NTRK3: variants seen among roughly 807,000 people sequenced by gnomAD.
NTRK3 encodes the protein neurotrophic receptor tyrosine kinase 3, also known as NT-3 growth factor receptor.
In NTRK3, 24 loss-of-function variants were observed where a neutral mutation model predicts 91.7. The ratio of observed to expected loss-of-function variants is 0.26; its 90% confidence interval spans 0.19 to 0.37. The LOEUF (loss-of-function observed/expected upper bound fraction) is 0.37, where lower values mean the gene tolerates loss of function less well. Among genes scored for constraint, NTRK3 ranks in the 10% least tolerant of loss-of-function variants. NTRK3 has a pLI of 1.00. For missense variants in NTRK3, 880 were observed against 1,068.9 expected, an observed-to-expected ratio of 0.82 and a Z score of 2.46; for synonymous variants, 483 against 404.0, an observed-to-expected ratio of 1.20 and a Z score of -2.34.
At chr15:88,182,320 CT>C (rs1451594331) in intron 5 of NTRK3, among the ~76,000 whole-genome samples, 1 of 152,134 alleles carries the variant, frequency 6.6e-6, no homozygotes, top group Non-Finnish European at 1.5e-5. Flanking sequence ...GAAAAAACAA[CT>C]CCTCCACCAG....
intron 14 of NTRK3, among the ~76,000 whole-genome samples, chr15:88,002,437 G>T (rs575094128): frequency 1.3e-5 from 2 of 152,044 alleles, no homozygotes; most frequent in African/African-American, 2.4e-5. Flanking sequence ...CATCCCTGAT[G>T]ACTAAGATTG....
intron 14 of NTRK3, among the ~76,000 whole-genome samples, chr15:88,016,045 T>C (rs2077213103): frequency 6.6e-6 from 1 of 151,994 alleles, no homozygotes; most frequent in Non-Finnish European, 1.5e-5. Flanking sequence ...TCCATGTTGA[T>C]GTGTACATGT....
At chr15:88,086,700 G>A (rs747916804) in intron 13 of NTRK3, among the ~76,000 whole-genome samples, 14 of 152,124 alleles carry the variant, frequency 9.2e-5, no homozygotes, top group Admixed American at 2.6e-4. Flanking sequence ...GTCTAGCGAC[G>A]GGCCCCATGC....
At chr15:88,215,502 G>A (rs117352733) in intron 3 of NTRK3, among the ~76,000 whole-genome samples, 5,554 of 152,326 alleles carry the variant, frequency 0.036, 146 homozygotes, top group Non-Finnish European at 0.053. Context: ...TGCGATGCCA[G>A]GAGGGAGCCA....
intron 14 of NTRK3, among the ~76,000 whole-genome samples, chr15:87,972,324 G>T (rs562729629): frequency 6.6e-6 from 1 of 152,196 alleles, no homozygotes; most frequent in African/African-American, 2.4e-5. Context: ...GCCAGGTTTG[G>T]TAGTGTTTTC....
chr15:87,897,823 A>C (rs111539919), intron 17 of NTRK3, among the ~76,000 whole-genome samples: 29 of 145,624 alleles, frequency 2.0e-4, no homozygotes, highest in African/African-American at 5.7e-4. Context: ...AACATATCAG[A>C]ATTATATACA....
intron 12 of NTRK3, 72 bp from the exon 13 acceptor site, chr15:88,126,445 G>T: frequency 9.9e-7 from 1 of 1,005,082 alleles, no homozygotes; most frequent in Non-Finnish European, 1.6e-6. Context: ...TAATGTGTGT[G>T]CCCAGATAAG....
intron 13 of NTRK3, among the ~76,000 whole-genome samples, chr15:88,108,608 G>C (rs7174354): frequency 0.45 from 68,869 of 152,094 alleles, 15,904 homozygotes; most frequent in African/African-American, 0.49. Context: ...GAGGATAAAA[G>C]TAAAGCTCAA....
At chr15:87,998,565 T>A (rs1349832779) in intron 14 of NTRK3, among the ~76,000 whole-genome samples, 1 of 152,254 alleles carries the variant, frequency 6.6e-6, no homozygotes, top group African/African-American at 2.4e-5. Flanking sequence ...TATAACTATA[T>A]GAATCCATAT....
chr15:88,174,660 G>C (rs1243065473), intron 5 of NTRK3, among the ~76,000 whole-genome samples: 18 of 152,240 alleles, frequency 1.2e-4, no homozygotes, highest in African/African-American at 4.3e-4. Flanking sequence ...GGGGGAAACA[G>C]CTGTGCACAC....
chr15:87,920,578 C>T (rs905309653), intron 17 of NTRK3, among the ~76,000 whole-genome samples: 1 of 152,206 alleles, frequency 6.6e-6, no homozygotes, highest in African/African-American at 2.4e-5. Flanking sequence ...AACTCCAGCC[C>T]TGTCCACTTG....
intron 3 of NTRK3, among the ~76,000 whole-genome samples, chr15:88,200,108 C>T (rs74027801): frequency 7.4e-4 from 112 of 152,318 alleles, no homozygotes; most frequent in African/African-American, 2.6e-3. Flanking sequence ...ATGATTGAGC[C>T]CAGGCTCTGA....
chr15:88,192,515 C>G (rs768291376), intron 3 of NTRK3, among the ~76,000 whole-genome samples: 2 of 152,138 alleles, frequency 1.3e-5, no homozygotes, highest in Non-Finnish European at 2.9e-5. Flanking sequence ...CCTGCTTTCC[C>G]TCTTCAACAA....
rs1049940609 is a variant in NTRK3, at chr15:88,255,722, C to G, written c.248+184G>C. On this transcript the variant is annotated intron_variant, in intron 3 of 18. Coordinates refer to ENST00000394480, the Ensembl canonical transcript of NTRK3. This position sits in a 1 kb window ranked among gnomAD's most constrained non-coding sequence, Gnocchi z 4.3. ...TAGCCGGATCGCGCCTCGCCAGGGC[C>G]GGAGTCACCTGGAATGCGCAGCCGG... Among the ~76,000 whole-genome samples, 1 of 152,102 alleles carries G rather than the reference C, an allele frequency of 6.6e-6. No homozygotes were observed. The highest frequency in any genetic ancestry group is 1.5e-5 in the Non-Finnish European group (1 of 68,002).
chr15:87,953,887 G>A (rs1452050493), intron 14 of NTRK3, among the ~76,000 whole-genome samples: 1 of 152,098 alleles, frequency 6.6e-6, no homozygotes, highest in East Asian at 1.9e-4. Flanking sequence ...CTTTCCCTGG[G>A]AACGAGTTCT....
At chr15:88,043,086 A>G (rs2079812722) in intron 13 of NTRK3, among the ~76,000 whole-genome samples, 1 of 152,244 alleles carries the variant, frequency 6.6e-6, no homozygotes, top group Non-Finnish European at 1.5e-5. Context: ...CAACTGTGGC[A>G]TAAGGATGTA....
intron 13 of NTRK3, among the ~76,000 whole-genome samples, chr15:88,086,462 A>C (rs1486138405): frequency 6.7e-6 from 1 of 148,558 alleles, no homozygotes; most frequent in Admixed American, 6.6e-5. Flanking sequence ...AGTATTTTAG[A>C]TATATTGGGC....
rs371257557 is a variant in NTRK3, at chr15:88,085,625, TGGGGGGTGGTTTGTTACCCA to T, written c.1396+40626_1396+40645del. ...TAAATGCTTGTCAGAAAAGACTGAG[TGGGGGGTGGTTTGTTACCCA>T]GCAGTATGCAGTAATCGCTAACTAA... On this transcript the variant is annotated intron_variant, in intron 13 of 18. Transcript: ENST00000394480. Among the ~76,000 whole-genome samples, 375 of 152,018 alleles carry T rather than the reference TGGGGGGTGGTTTGTTACCCA, an allele frequency of 2.5e-3. 5 individuals carry two copies. The highest frequency in any genetic ancestry group is 8.1e-3 in the African/African-American group (334 of 41,462).
At chr15:87,922,986 G>C (rs2068000144) in intron 17 of NTRK3, among the ~76,000 whole-genome samples, 1 of 152,162 alleles carries the variant, frequency 6.6e-6, no homozygotes, top group East Asian at 1.9e-4. Context: ...GCTTACAAAA[G>C]CATGGGACAC....
Sources: gnomAD v4.1 joint callset for allele counts (sites outside exome capture counted in the v4.1 genomes callset) on GRCh38, gnomAD v4.1.1 for gene constraint, Gnocchi (gnomAD v3.1) non-coding constraint, MANE v1.5 for transcripts, NCBI Gene and HGNC (gene_info 2026-07-23, HGNC 2026-07-21) for gene names.